Variants in TMEM50B observed in about 807,000 individuals in gnomAD.
TMEM50B encodes the protein HCV p7-trans-regulated protein 3.
Under a neutral mutation model 23.4 loss-of-function variants are expected in TMEM50B, and 14 were observed. The ratio of observed to expected loss-of-function variants is 0.60; its 90% CI spans 0.39 to 0.93. TMEM50B has a LOEUF of 0.93. TMEM50B is among the 40% of genes least tolerant of loss of function. The probability of loss-of-function intolerance (pLI) is 0.00; values close to 1 mark genes in which losing one functional copy is unlikely to be tolerated. For missense variants in TMEM50B, 159 were observed against 193.0 expected (o/e 0.82, Z 1.04); for synonymous variants, 64 against 62.3 (o/e 1.03, Z -0.13).
intron 1 of TMEM50B, among the ~76,000 whole-genome samples, chr21:33,473,906 A>G (rs1210687567): frequency 3.3e-5 from 5 of 152,174 alleles, no homozygotes; most frequent in Admixed American, 3.3e-4. Context: ...AACCTCAACA[A>G]CTGACTAAGT....
chr21:33,464,596 G>A (rs1323915540), intron 4 of TMEM50B, among the ~76,000 whole-genome samples: 9 of 149,236 alleles, frequency 6.0e-5, no homozygotes, highest in Admixed American at 2.7e-4. Context: ...ACCTGAGGTC[G>A]GGAGTTCGAG....
At chr21:33,466,895 T>G (rs1479270159) in intron 3 of TMEM50B, 115 bp downstream of exon 3, 1 of 740,596 alleles carries the variant, frequency 1.4e-6, no homozygotes, top group Admixed American at 3.0e-5. Flanking sequence ...GTATGTATCA[T>G]GTTAAAAAAT....
chr21:33,432,950 A>G, intron 8 of TMEM50B: 1 of 1,202,412 alleles, frequency 8.3e-7, no homozygotes. Context: ...TCATGGTACA[A>G]TCTCTGCTCA....
In TMEM50B at chr21:33,443,255, C is replaced by G. The variant is rs556612816; in HGVS notation, c.*2037-3958G>C. Among the ~76,000 whole-genome samples, 3 of 152,308 alleles carry G rather than the reference C, an allele frequency of 2.0e-5. No individual in the cohort carries two copies. In the South Asian group the frequency reaches 6.2e-4, roughly 32 times the overall value. On this transcript the variant is annotated intron_variant and NMD_transcript_variant, in intron 7 of 8. Transcript: ENST00000420455. Reference sequence around the variant, plus strand: ...TCAATCAAACTAATGTGTTTCTTGACTATTTACTTTCTGAAATTTTCCTGT... The same window carrying G: ...TCAATCAAACTAATGTGTTTCTTGAGTATTTACTTTCTGAAATTTTCCTGT...
intron 1 of TMEM50B, among the ~76,000 whole-genome samples, chr21:33,477,660 A>G (rs2084386021): frequency 6.7e-6 from 1 of 150,152 alleles, no homozygotes; most frequent in Non-Finnish European, 1.5e-5. Context: ...AAATACAAAA[A>G]TTAGCTGGGC....
rs1171691565 is a variant in TMEM50B at position 33,453,988 on chromosome 21, C to T, written c.431+1739G>A. Among the ~76,000 whole-genome samples the T allele has an allele frequency of 2.0e-5, 3 of 150,844 alleles. No homozygotes were observed. The East Asian group carries it at 5.9e-4, about 30-fold the overall frequency. ...GTGTGGCAGTGCATGCCTGTAATCC[C>T]AGCTACTTGGGAGGCTGAGGCACGG... On this transcript the variant is annotated intron_variant, in intron 6 of 6. Transcript: ENST00000542230.
At chr21:33,474,975 G>A (rs1033700367) in intron 1 of TMEM50B, among the ~76,000 whole-genome samples, 19 of 150,824 alleles carry the variant, frequency 1.3e-4, no homozygotes, top group Non-Finnish European at 2.4e-4. Flanking sequence ...CACCCAGGAT[G>A]GAGTGCAGTG....
chr21:33,468,890 ACTT>A lies in TMEM50B; in HGVS notation c.-8_-6del. 6.2e-7 allele frequency: 1 copy of A among 1,610,318 alleles called. No homozygotes were observed. The highest frequency in any genetic ancestry group is 8.5e-7 in the Non-Finnish European group (1 of 1,177,166). On this transcript the variant is annotated 5_prime_UTR_variant, in exon 2 of 7. Transcript: ENST00000542230. ...ATTATCTAGGAAGCCTGCCATTTTT[ACTT>A]CTTAAGCATAAATTTTTCATTAAAT...
Position 33,450,554 on chromosome 21 carries a change from G to A in TMEM50B, c.*264C>T, listed in dbSNP as rs890946429. On this transcript the variant is annotated 3_prime_UTR_variant, in exon 7 of 7. Coordinates refer to ENST00000542230, the MANE Select transcript of TMEM50B (RefSeq NM_006134.7). ...AGATGATGTAACCCTGGCTCAGGGAGTAGATCAAGTTCTAAATCTCAGGAA... is the reference window on the plus strand; with the variant it reads ...AGATGATGTAACCCTGGCTCAGGGAATAGATCAAGTTCTAAATCTCAGGAA... The A allele has an allele frequency of 4.2e-5, 14 of 330,772 alleles. No individual in the cohort carries two copies. The highest frequency in any genetic ancestry group is 1.9e-4 in the African/African-American group (9 of 47,042). 20.5% of individuals were successfully genotyped at this position (330,772 alleles called of 1,614,324 possible).
chr21:33,435,680 C>T (rs1417733522), intron 8 of TMEM50B, among the ~76,000 whole-genome samples: 2 of 151,380 alleles, frequency 1.3e-5, no homozygotes, highest in East Asian at 2.0e-4. Flanking sequence ...GTCAGGAGAT[C>T]GAGACCATCC....
At chr21:33,478,585 GAC>G (rs977660226) in intron 1 of TMEM50B, among the ~76,000 whole-genome samples, 6 of 152,184 alleles carry the variant, frequency 3.9e-5, no homozygotes, top group African/African-American at 1.4e-4. Flanking sequence ...AACCCTAGTT[GAC>G]AGAGAGGAGG....
chr21:33,463,151 G>T (rs139876409), intron 4 of TMEM50B, among the ~76,000 whole-genome samples: 315 of 152,262 alleles, frequency 2.1e-3, no homozygotes, highest in Admixed American at 3.7e-3. Context: ...AACTAGCCAG[G>T]CGTGGTGGCA....
intron 1 of TMEM50B, among the ~76,000 whole-genome samples, chr21:33,475,765 T>C (rs1021698494): frequency 6.6e-6 from 1 of 151,930 alleles, no homozygotes; most frequent in Non-Finnish European, 1.5e-5. Context: ...CAATCCTGGC[T>C]AACACGTTGA....
intron 1 of TMEM50B, among the ~76,000 whole-genome samples, chr21:33,476,516 C>A (rs984559097): frequency 2.6e-5 from 4 of 152,042 alleles, no homozygotes; most frequent in African/African-American, 9.7e-5. Context: ...AATCCCTGCA[C>A]TTTGGGAAGC....
chr21:33,466,223 T>C (rs2084263194), intron 3 of TMEM50B, among the ~76,000 whole-genome samples: 1 of 152,106 alleles, frequency 6.6e-6, no homozygotes, highest in Admixed American at 6.6e-5. Context: ...ATCACACCAG[T>C]GTGGTCCAGC....
intron 1 of TMEM50B, among the ~76,000 whole-genome samples, chr21:33,470,044 A>G (rs550846872): frequency 6.6e-6 from 1 of 152,346 alleles, no homozygotes; most frequent in Non-Finnish European, 1.5e-5. Flanking sequence ...CTATTTTTAA[A>G]AACAAAGATA....
chr21:33,432,660 G>A (rs928385626), exon 9 of TMEM50B: 12 of 1,590,902 alleles, frequency 7.5e-6, no homozygotes, highest in South Asian at 5.5e-5. Flanking sequence ...ATTAACTGAT[G>A]TTTGTGTTGT....
At chr21:33,475,433 C>T (rs1039320697) in intron 1 of TMEM50B, among the ~76,000 whole-genome samples, 1 of 152,006 alleles carries the variant, frequency 6.6e-6, no homozygotes, top group East Asian at 1.9e-4. Context: ...CTGTAACTCC[C>T]GCCTCCTGGA....
intron 4 of TMEM50B, among the ~76,000 whole-genome samples, chr21:33,464,811 A>AAAAAAAAAAAAAAAAC (rs766069085): frequency 6.6e-5 from 2 of 30,144 alleles, no homozygotes; most frequent in Admixed American, 3.6e-4. Context: ...TCTCAAAAAA[A>AAAAAAAAAAAAAAAAC]AAAAAAAAAA....
Sources: gnomAD v4.1 joint callset for allele counts (sites outside exome capture counted in the v4.1 genomes callset) on GRCh38, gnomAD v4.1.1 for gene constraint, MANE v1.5 for transcripts, NCBI Gene and HGNC (gene_info 2026-07-23, HGNC 2026-07-21) for gene names.